Variants in DHX8 observed in about 807,000 individuals in gnomAD.
DHX8 encodes the protein DEAH-box helicase 8, also known as ATP-dependent RNA helicase DHX8.
DHX8 carries 67 observed loss-of-function variants against 140.7 expected under a neutral mutation model. The ratio of observed to expected loss-of-function variants is 0.48; its 90% CI spans 0.39 to 0.58. The LOEUF (loss-of-function observed/expected upper bound fraction) is 0.58, where lower values mean the gene tolerates loss of function less well. Ranked by LOEUF, DHX8 falls within the 20% of genes least tolerant of loss-of-function variation. DHX8 has a pLI of 0.00. For missense variants in DHX8, 887 were observed against 1,550.7 expected, an observed-to-expected ratio of 0.57 and a Z score of 7.19; for synonymous variants, 533 against 553.2, an observed-to-expected ratio of 0.96 and a Z score of 0.51.
At chr17:43,529,538 C>T (rs374306817), downstream of DHX8, 59 of 1,613,604 alleles carry the variant, frequency 3.7e-5, no homozygotes, top group Admixed American at 3.2e-4. Flanking sequence ...CTCCATTCCC[C>T]GGCCCGTCCA....
chr17:43,529,200 C>G, downstream of DHX8: 1 of 1,614,020 alleles, frequency 6.2e-7, no homozygotes. Context: ...TAATTCATGG[C>G]TGGCCGGTTC....
chr17:43,493,420 C>A (rs1968657068), intron 6 of DHX8, 25 bp from the exon 7 acceptor site: 1 of 1,612,396 alleles, frequency 6.2e-7, no homozygotes, highest in African/African-American at 1.3e-5. Flanking sequence ...TTGGCATGTT[C>A]CAGATGTGTC....
intron 1 of DHX8, among the ~76,000 whole-genome samples, chr17:43,487,478 C>G (rs769949637): frequency 2.0e-5 from 3 of 152,110 alleles, no homozygotes; most frequent in Non-Finnish European, 4.4e-5. Context: ...AGTCTACTCC[C>G]GAGTAGCTAG....
At chr17:43,520,667 C>A (rs1970329950) in intron 19 of DHX8, 84 bp from the exon 20 acceptor site, 2 of 1,549,792 alleles carry the variant, frequency 1.3e-6, no homozygotes, top group East Asian at 4.5e-5. Flanking sequence ...TGTGTTGTTA[C>A]CCACTCTGAC....
At chr17:43,525,750 G>A (rs1204700143), downstream of DHX8, 2 of 985,326 alleles carry the variant, frequency 2.0e-6, no homozygotes, top group Middle Eastern at 5.2e-4. Context: ...GACTACAGGT[G>A]CATGCCACCA....
intron 18 of DHX8, chr17:43,518,542 G>A (rs1970223887): frequency 6.6e-6 from 1 of 152,038 alleles, no homozygotes; most frequent in Non-Finnish European, 1.5e-5. Context: ...TAGAAATGAT[G>A]TATGCAAGAG....
intron 16 of DHX8, among the ~76,000 whole-genome samples, chr17:43,510,253 G>C (rs1289916415): frequency 6.6e-6 from 1 of 151,960 alleles, no homozygotes; most frequent in Non-Finnish European, 1.5e-5. Context: ...TCTCCATTCT[G>C]GTCAGGCTGG....
downstream of DHX8, chr17:43,530,176 T>A: frequency 6.4e-7 from 1 of 1,554,802 alleles, no homozygotes; most frequent in Non-Finnish European, 8.7e-7. Context: ...GCGCACCCGG[T>A]GACATCTGTG....
In DHX8 at chr17:43,492,215, T is replaced by C. The variant is rs547226785; in HGVS notation, c.426T>C (p.Ala142=). Residue 142 remains alanine (A), a synonymous_variant, in exon 5 of 23, where the codon GCT becomes GCC. Coordinates refer to ENST00000262415, the MANE Select transcript of DHX8 (RefSeq NM_004941.3). Reference sequence around the variant, plus strand: ...TGGATGAAGATGATGTGAAAGTTGCTGTGGATGTCCTGAAAGAACTGGAAG... The same window carrying C: ...TGGATGAAGATGATGTGAAAGTTGCCGTGGATGTCCTGAAAGAACTGGAAG... The part of the protein sequence containing the change: ...TMLDEDDVKV[A]VDVLKELEAL... 6.2e-7 allele frequency: 1 copy of C among 1,614,136 alleles called. No individual in the cohort carries two copies. The highest frequency in any genetic ancestry group is 1.7e-5 in the Admixed American group (1 of 60,004).
rs1195723989 is a variant in DHX8, at chr17:43,492,870, C to G, written c.693C>G (p.Pro231=). The change falls in exon 6 of 23, where the codon CCC becomes CCG. Residue 231 remains proline (P), a synonymous_variant. Transcript: ENST00000262415. ...RYRSRSRSQS[P]PKDRKDRDKY... ...GGTCCAGGAGCAGGAGTCAGAGTCC[C>G]CCCAAAGACCGGAAGGACCGGGACA... The G allele has an allele frequency of 1.2e-6, 2 of 1,614,142 alleles. No homozygotes were observed. Among genetic ancestry groups the G allele is most frequent in the African/African-American group, 2.7e-5 (2 of 75,026 alleles).
chr17:43,494,343 T>C (rs928341916), intron 8 of DHX8, among the ~76,000 whole-genome samples: 4 of 152,168 alleles, frequency 2.6e-5, no homozygotes, highest in African/African-American at 9.7e-5. Context: ...ATTAGCCGTG[T>C]AATCCTTAGC....
At position 43,507,544 on chromosome 17, in the gene DHX8, A is replaced by T. The variant is rs1202773732; in HGVS notation, c.1965A>T (p.Glu655Asp). 1 of 1,614,040 alleles carries T rather than the reference A, an allele frequency of 6.2e-7. No homozygotes were observed. Among genetic ancestry groups the T allele is most frequent in the Non-Finnish European group, 8.5e-7 (1 of 1,180,040 alleles). ...TIRFEDCTSP[E>D]TVIKYMTDGM... ...GATTTGAGGACTGCACTAGCCCTGA[A>T]ACAGTCATCAAGTACATGACAGATG... is the stretch of plus-strand genomic sequence containing the variant. Residue 655 changes from glutamate (E) to aspartate (D), a missense_variant, in exon 14 of 23, where the codon GAA becomes GAT. Glu to Asp is a conservative substitution (Grantham distance 45, BLOSUM62 2). Around this residue, in one of 9 missense-constraint regions of DHX8, gnomAD observed 178 missense variants for 398.5 expected, o/e 0.45. Transcript: ENST00000262415.
chr17:43,513,276 G>A (rs1969942007), intron 16 of DHX8, 86 bp from the exon 17 acceptor site: 2 of 1,432,694 alleles, frequency 1.4e-6, no homozygotes, highest in African/African-American at 1.4e-5. Flanking sequence ...TATTCCTTTG[G>A]GAAGATATCT....
rs565750212 is a variant in DHX8, at chr17:43,525,603, A to G, written c.*1756A>G. 1.6e-5 allele frequency: 16 copies of G among 985,382 alleles called. No individual in the cohort carries two copies. The highest frequency in any genetic ancestry group is 1.7e-5 in the Non-Finnish European group (14 of 830,042). 61.0% of individuals were successfully genotyped at this position (985,382 alleles called of 1,614,324 possible). ...GACCTCAAATGAAACCAAAGGGGAA[A>G]CGGGGACTGGGCACCCACCTCCCCA... On this transcript the variant is annotated 3_prime_UTR_variant, in exon 23 of 23. Transcript: ENST00000262415.
intron 12 of DHX8, 75 bp downstream of exon 12, chr17:43,504,900 A>C: frequency 7.4e-7 from 1 of 1,356,956 alleles, no homozygotes; most frequent in Non-Finnish European, 1.0e-6. Context: ...TTTAAACTGA[A>C]ACTAACGGGA....
chr17:43,524,953 AG>A lies in DHX8; in HGVS notation c.*1109del. On this transcript the variant is annotated 3_prime_UTR_variant, in exon 23 of 23. Coordinates refer to ENST00000262415, the MANE Select transcript of DHX8 (RefSeq NM_004941.3). The stretch of plus-strand genomic sequence containing the variant: ...TGTGCCCTCCTCACAGCTCCTGAGG[AG>A]GGTTTTTTTTTTTTCTTCCCATAGA... 1.0e-6 allele frequency: 1 copy of A among 981,928 alleles called. No homozygotes were observed. The highest frequency in any genetic ancestry group is 1.2e-6 in the Non-Finnish European group (1 of 828,814). 60.8% of individuals were successfully genotyped at this position (981,928 alleles called of 1,614,324 possible).
chr17:43,527,829 G>A (rs1056757436), downstream of DHX8: 6 of 226,838 alleles, frequency 2.6e-5, no homozygotes, highest in East Asian at 1.3e-4. Flanking sequence ...GCAGCAAAGA[G>A]GACACAGGAG....
intron 19 of DHX8, 76 bp from the exon 20 acceptor site, chr17:43,520,675 G>C: frequency 6.3e-7 from 1 of 1,591,186 alleles, no homozygotes; most frequent in Non-Finnish European, 8.6e-7. Context: ...TACCCACTCT[G>C]ACCAAGGTCT....
At chr17:43,504,899 A>G in intron 12 of DHX8, 74 bp downstream of exon 12, 3 of 1,372,176 alleles carry the variant, frequency 2.2e-6, no homozygotes, top group Non-Finnish European at 3.0e-6. Flanking sequence ...TTTTAAACTG[A>G]AACTAACGGG....
Sources: allele counts gnomAD v4.1 joint callset (sites outside exome capture counted in the v4.1 genomes callset), GRCh38; gene constraint gnomAD v4.1.1; regional missense constraint gnomAD v4.1.1; transcripts MANE v1.5; gene names NCBI Gene and HGNC (gene_info 2026-07-23, HGNC 2026-07-21).